CNTN4: variants seen among roughly 807,000 people sequenced by gnomAD.
CNTN4 encodes the protein contactin 4.
In CNTN4, 77 loss-of-function variants were observed where a neutral mutation model predicts 122.5. That is an observed-to-expected ratio of 0.63 (90% confidence interval 0.52 to 0.76). The LOEUF is 0.76. Among genes scored for constraint, CNTN4 ranks in the 30% least tolerant of loss-of-function variants. The probability of loss-of-function intolerance (pLI) is 0.00; values close to 1 mark genes in which losing one functional copy is unlikely to be tolerated. For missense variants in CNTN4, 1,256 were observed against 1,259.1 expected (o/e 1.00, Z 0.04); for synonymous variants, 512 against 447.0 (o/e 1.15, Z -1.83).
intron 3 of CNTN4, among the ~76,000 whole-genome samples, chr3:2,356,035 A>T (rs2044857257): frequency 6.6e-6 from 1 of 151,972 alleles, no homozygotes; most frequent in Non-Finnish European, 1.5e-5. Flanking sequence ...GTGTTTCCTG[A>T]CTGCTAATCT....
intron 7 of CNTN4, among the ~76,000 whole-genome samples, chr3:2,835,622 A>G (rs1559558666): frequency 1.3e-5 from 2 of 152,196 alleles, no homozygotes; most frequent in Non-Finnish European, 2.9e-5. Context: ...AAATTTTTTA[A>G]AAACCGTCCC....
chr3:2,670,310 C>T (rs909430492), intron 4 of CNTN4, among the ~76,000 whole-genome samples: 1 of 152,154 alleles, frequency 6.6e-6, no homozygotes, highest in African/African-American at 2.4e-5. Flanking sequence ...GGATAGTTAG[C>T]TCTTCTTGTT....
intron 2 of CNTN4, among the ~76,000 whole-genome samples, chr3:2,277,085 C>G (rs2041541461): frequency 6.6e-6 from 1 of 151,768 alleles, no homozygotes; most frequent in South Asian, 2.1e-4. Context: ...AAAAATACAC[C>G]AAAAAAGCAA....
intron 14 of CNTN4, among the ~76,000 whole-genome samples, chr3:3,004,801 G>C (rs1175286030): frequency 6.6e-6 from 1 of 152,168 alleles, no homozygotes; most frequent in East Asian, 1.9e-4. Flanking sequence ...CTAACATCTT[G>C]TCTATGCCAT....
At chr3:2,895,223 G>A (rs2094094403) in intron 10 of CNTN4, among the ~76,000 whole-genome samples, 1 of 152,062 alleles carries the variant, frequency 6.6e-6, no homozygotes, top group African/African-American at 2.4e-5. Context: ...TGATCCACCT[G>A]CCTCGGCCTC....
chr3:2,930,476 T>C (rs1382108294), intron 13 of CNTN4, among the ~76,000 whole-genome samples: 2 of 152,190 alleles, frequency 1.3e-5, no homozygotes, highest in African/African-American at 2.4e-5. Context: ...AGACAAAATA[T>C]TTTACTTTTC....
At chr3:2,542,477 G>C (rs1391630541) in intron 3 of CNTN4, among the ~76,000 whole-genome samples, 3 of 152,072 alleles carry the variant, frequency 2.0e-5, no homozygotes, top group African/African-American at 7.2e-5. Flanking sequence ...ATATACACAA[G>C]AAATAATCTC....
chr3:2,310,255 A>T (rs2042866236), intron 2 of CNTN4, among the ~76,000 whole-genome samples: 1 of 152,134 alleles, frequency 6.6e-6, no homozygotes, highest in Non-Finnish European at 1.5e-5. Flanking sequence ...TCCTACTCTT[A>T]TAAACTTCAG....
intron 3 of CNTN4, among the ~76,000 whole-genome samples, chr3:2,340,868 CTT>C (rs2044184858): frequency 6.6e-6 from 1 of 151,680 alleles, no homozygotes; most frequent in South Asian, 2.1e-4. Context: ...AAAACAGTAA[CTT>C]TATTATTTCC....
intron 4 of CNTN4, among the ~76,000 whole-genome samples, chr3:2,667,945 G>A (rs987166464): frequency 2.2e-4 from 33 of 151,926 alleles, no homozygotes; most frequent in African/African-American, 6.3e-4. Context: ...TGTTCCATTG[G>A]TCTATATGTC....
At chr3:2,560,779 T>C (rs2078918128) in intron 3 of CNTN4, among the ~76,000 whole-genome samples, 1 of 152,206 alleles carries the variant, frequency 6.6e-6, no homozygotes, top group South Asian at 2.1e-4. Context: ...ATAATCTCCA[T>C]GAGGGAAGAC....
intron 14 of CNTN4, among the ~76,000 whole-genome samples, chr3:2,993,899 G>A (rs1695283593): frequency 6.6e-6 from 1 of 152,126 alleles, no homozygotes; most frequent in Non-Finnish European, 1.5e-5. Context: ...CCTCACCCCA[G>A]TATCCAAACA....
intron 12 of CNTN4, among the ~76,000 whole-genome samples, chr3:2,920,243 A>G (rs1161280717): frequency 2.0e-5 from 3 of 148,912 alleles, no homozygotes; most frequent in African/African-American, 7.5e-5. Flanking sequence ...AAACATTCTC[A>G]GAATGACTAA....
chr3:2,524,947 A>G (rs1274699944), intron 3 of CNTN4, among the ~76,000 whole-genome samples: 3 of 152,088 alleles, frequency 2.0e-5, no homozygotes, highest in Admixed American at 2.0e-4. Flanking sequence ...GGAAACTCTC[A>G]ACCTGTCTCT....
At chr3:2,378,081 G>A (rs1307891626) in intron 3 of CNTN4, among the ~76,000 whole-genome samples, 1 of 152,206 alleles carries the variant, frequency 6.6e-6, no homozygotes, top group Non-Finnish European at 1.5e-5. Context: ...CCACAGTGTA[G>A]TTTGAGGCTT....
intron 2 of CNTN4, among the ~76,000 whole-genome samples, chr3:2,277,347 A>C (rs948871200): frequency 6.6e-6 from 1 of 152,234 alleles, no homozygotes; most frequent in Admixed American, 6.5e-5. Context: ...ATACTAAGAA[A>C]ATGACTTTTG....
intron 2 of CNTN4, among the ~76,000 whole-genome samples, chr3:2,167,057 G>T (rs1011855247): frequency 1.3e-5 from 2 of 152,098 alleles, no homozygotes; most frequent in Admixed American, 6.6e-5. Context: ...AGACATAGAT[G>T]TAATAAAAAT....
Position 2,779,251 on chromosome 3 carries a change from TTG to T in CNTN4, c.358+33556_358+33557del, listed in dbSNP as rs1212584916. On this transcript the variant is annotated intron_variant, in intron 6 of 24. Coordinates refer to ENST00000418658, the MANE Select transcript of CNTN4 (RefSeq NM_175607.3). ...CAGGTTGTGGTGTTGTTTGTTTTGT[TTG>T]TTTGTTTGTTTGTTTGTTTTTGTTG... Among the ~76,000 whole-genome samples, 257 of 72,490 alleles carry T rather than the reference TTG, an allele frequency of 3.5e-3. 1 individual carries two copies. The highest frequency in any genetic ancestry group is 0.016 in the African/African-American group (249 of 15,140). The allele number at this position is 72,490 out of a possible 152,430, so 47.6% of individuals were successfully genotyped here.
intron 6 of CNTN4, among the ~76,000 whole-genome samples, chr3:2,747,921 A>G (rs1390682910): frequency 6.6e-6 from 1 of 151,162 alleles, no homozygotes; most frequent in African/African-American, 2.5e-5. Flanking sequence ...TTTCTATCAC[A>G]TTCACTCCCA....
Sources: gnomAD v4.1 joint callset for allele counts (sites outside exome capture counted in the v4.1 genomes callset) on GRCh38, gnomAD v4.1.1 for gene constraint, MANE v1.5 for transcripts, NCBI Gene and HGNC (gene_info 2026-07-23, HGNC 2026-07-21) for gene names.